GATAD2B: variants seen among roughly 807,000 people sequenced by gnomAD.
GATAD2B encodes the protein transcriptional repressor p66-beta.
In GATAD2B, 8 loss-of-function variants were observed where a neutral mutation model predicts 64.3. The observed-to-expected ratio is 0.12, with a 90% CI of 0.07 to 0.22. The LOEUF is 0.22. Among genes scored for constraint, GATAD2B ranks in the 10% least tolerant of loss-of-function variants. The pLI is 1.00. For missense variants in GATAD2B, 453 were observed against 752.0 expected, an observed-to-expected ratio of 0.60 and a Z score of 4.65; for synonymous variants, 281 against 271.3, an observed-to-expected ratio of 1.04 and a Z score of -0.35.
At chr1:153,921,449 G>A (rs1678426198) in intron 1 of GATAD2B, among the ~76,000 whole-genome samples, 1 of 152,202 alleles carries the variant, frequency 6.6e-6, no homozygotes, top group Non-Finnish European at 1.5e-5. Flanking sequence ...TGTTAAACCT[G>A]TTTTAATTCC....
At chr1:153,886,025 T>G (rs1227606443) in intron 1 of GATAD2B, among the ~76,000 whole-genome samples, 3 of 152,206 alleles carry the variant, frequency 2.0e-5, no homozygotes, top group Non-Finnish European at 4.4e-5. Flanking sequence ...TGATTGCAAC[T>G]GAATGCTTAA....
At position 153,911,998 on chromosome 1, in the gene GATAD2B, T is replaced by C. The variant is rs12031762; in HGVS notation, c.-2+10735A>G. 2.6e-5 allele frequency among the ~76,000 whole-genome samples: 4 copies of C among 152,346 alleles called. No homozygotes were observed. In the East Asian group the frequency reaches 7.7e-4, roughly 29 times the overall value. On this transcript the variant is annotated intron_variant, in intron 1 of 10. Transcript: ENST00000368655. ...ATCATATTCTATTTTACTCTCCCTG[T>C]AATTATCAAGTATTCGCGGAGCCAG...
Position 153,828,000 on chromosome 1 carries a change from A to G in GATAD2B, c.335+13T>C. ...ACGACCCTATCCCTGGAGGCAGCTG[A>G]ACTGAGCCATACCTCCGTCTAGCAC... On this transcript the variant is annotated intron_variant, in intron 2 of 10. Transcript: ENST00000368655. The G allele has an allele frequency of 3.1e-6, 5 of 1,602,998 alleles. No individual in the cohort carries two copies. Among genetic ancestry groups the G allele is most frequent in the Non-Finnish European group, 4.3e-6 (5 of 1,170,360 alleles).
In GATAD2B at chr1:153,876,536, G is replaced by C. The variant is rs188788467; in HGVS notation, c.-2+46197C>G. Among the ~76,000 whole-genome samples the C allele has an allele frequency of 3.0e-3, 457 of 152,284 alleles. 2 individuals are homozygous for C. The highest frequency in any genetic ancestry group is 0.01 in the African/African-American group (420 of 41,570). On this transcript the variant is annotated intron_variant, in intron 1 of 10. Transcript: ENST00000368655. The stretch of plus-strand genomic sequence containing the variant: ...CTTGCAGTGGGTAACATACTGCTCA[G>C]TAATATGCACCAAGGATTGTAAAGG...
intron 1 of GATAD2B, among the ~76,000 whole-genome samples, chr1:153,850,076 T>C (rs1675835178): frequency 6.6e-6 from 1 of 152,196 alleles, no homozygotes; most frequent in Non-Finnish European, 1.5e-5. Context: ...TTATGAGCCT[T>C]GTCACAATCA....
chr1:153,895,049 T>G (rs1160959436), intron 1 of GATAD2B, among the ~76,000 whole-genome samples: 1 of 152,140 alleles, frequency 6.6e-6, no homozygotes, highest in Non-Finnish European at 1.5e-5. Context: ...TCCCAGCTAC[T>G]TGGGAGGCTG....
intron 1 of GATAD2B, among the ~76,000 whole-genome samples, chr1:153,915,892 T>C (rs1226539826): frequency 6.6e-6 from 1 of 152,120 alleles, no homozygotes. Flanking sequence ...AATCTTTTAA[T>C]AACTGGAAAC....
intron 1 of GATAD2B, among the ~76,000 whole-genome samples, chr1:153,867,011 C>T (rs997751966): frequency 4.6e-5 from 7 of 152,110 alleles, no homozygotes; most frequent in Non-Finnish European, 1.0e-4. Flanking sequence ...ATCTCCTGAT[C>T]TAGTGATCTG....
chr1:153,898,303 T>A (rs1360684872), intron 1 of GATAD2B, among the ~76,000 whole-genome samples: 3 of 82,308 alleles, frequency 3.6e-5, no homozygotes, highest in Admixed American at 3.9e-4. Flanking sequence ...TAACAGCCTG[T>A]CTCAAAAAAA....
At chr1:153,884,773 T>C (rs1317310809) in intron 1 of GATAD2B, among the ~76,000 whole-genome samples, 1 of 152,146 alleles carries the variant, frequency 6.6e-6, no homozygotes, top group African/African-American at 2.4e-5. Context: ...TTATTTCTTT[T>C]TTTCGAGACA....
At chr1:153,861,887 T>G (rs1367210597) in intron 1 of GATAD2B, among the ~76,000 whole-genome samples, 3 of 148,232 alleles carry the variant, frequency 2.0e-5, no homozygotes, top group Non-Finnish European at 4.5e-5. Flanking sequence ...TATATATATA[T>G]ATGCATATCA....
chr1:153,891,934 C>T (rs1426558649), intron 1 of GATAD2B, among the ~76,000 whole-genome samples: 2 of 151,634 alleles, frequency 1.3e-5, no homozygotes, highest in Non-Finnish European at 2.9e-5. Context: ...GAGGCTGAGG[C>T]GGGCGGATCA....
chr1:153,840,223 G>C (rs1165026084), intron 1 of GATAD2B, among the ~76,000 whole-genome samples: 1 of 150,352 alleles, frequency 6.7e-6, no homozygotes, highest in Non-Finnish European at 1.5e-5. Flanking sequence ...TAGTAGAGAC[G>C]GGGGTTTCAC....
At position 153,828,442 on chromosome 1, in the gene GATAD2B, T is replaced by A. The variant is rs927337588; in HGVS notation, c.-1-94A>T. On this transcript the variant is annotated intron_variant, in intron 1 of 10. Coordinates refer to ENST00000368655, the MANE Select transcript of GATAD2B (RefSeq NM_020699.4). ...AATGGTGAAGTTATTAACAAGAATCTCTCTCTCACACATACACACACACAC... is the reference window on the plus strand; with the variant it reads ...AATGGTGAAGTTATTAACAAGAATCACTCTCTCACACATACACACACACAC... 437 of 766,100 alleles carry A rather than the reference T, an allele frequency of 5.7e-4. 4 individuals carry two copies. The highest frequency in any genetic ancestry group is 2.5e-4 in the Admixed American group (9 of 36,608). The allele number at this position is 766,100 out of a possible 1,614,324, so 47.5% of individuals were successfully genotyped here. A position where few individuals can be genotyped will look rare whatever the true frequency, so the allele number is the denominator to read the frequency against.
At chr1:153,905,053 C>G (rs1324606480) in intron 1 of GATAD2B, among the ~76,000 whole-genome samples, 1 of 150,930 alleles carries the variant, frequency 6.6e-6, no homozygotes, top group African/African-American at 2.4e-5. Flanking sequence ...TATATGTTGG[C>G]CAGGCTGGTC....
chr1:153,852,221 G>A (rs892639698), intron 1 of GATAD2B: 1 of 1,125,082 alleles, frequency 8.9e-7, no homozygotes, highest in Non-Finnish European at 1.3e-6. Context: ...AGCCAGTTGA[G>A]GGGCATGTTG....
At chr1:153,829,039 T>C (rs1486540780) in intron 1 of GATAD2B, among the ~76,000 whole-genome samples, 3 of 151,534 alleles carry the variant, frequency 2.0e-5, no homozygotes, top group Non-Finnish European at 4.4e-5. Flanking sequence ...ACCCCATCTC[T>C]ACAAAAAAAT....
intron 1 of GATAD2B, among the ~76,000 whole-genome samples, chr1:153,865,607 T>TA (rs1676451066): frequency 6.6e-6 from 1 of 152,224 alleles, no homozygotes; most frequent in East Asian, 1.9e-4. Context: ...TTCTGTTACA[T>TA]AAGTAAAGAC....
chr1:153,892,499 G>A (rs1407623201), intron 1 of GATAD2B, among the ~76,000 whole-genome samples: 1 of 152,060 alleles, frequency 6.6e-6, no homozygotes, highest in South Asian at 2.1e-4. Flanking sequence ...ACTGTAGAGG[G>A]ATACATGAAT....
Sources: gnomAD v4.1 joint callset for allele counts (sites outside exome capture counted in the v4.1 genomes callset) on GRCh38, gnomAD v4.1.1 for gene constraint, MANE v1.5 for transcripts, NCBI Gene and HGNC (gene_info 2026-07-23, HGNC 2026-07-21) for gene names.